Variants in CENPC observed in about 807,000 individuals in gnomAD.
CENPC encodes the protein CENP-C 1.
A neutral mutation model predicts 112.1 loss-of-function variants in CENPC; 63 were observed. The ratio of observed to expected loss-of-function variants is 0.56; its 90% CI spans 0.46 to 0.69. CENPC has a LOEUF of 0.69. Among genes scored for constraint, CENPC ranks in the 30% least tolerant of loss-of-function variants. CENPC has a pLI of 0.00. For missense variants in CENPC, 1,000 were observed against 1,103.8 expected, an observed-to-expected ratio of 0.91 and a Z score of 1.33; for synonymous variants, 333 against 367.6, an observed-to-expected ratio of 0.91 and a Z score of 1.08.
At chr4:67,502,343 T>A (rs557024831) in intron 12 of CENPC, among the ~76,000 whole-genome samples, 1 of 152,244 alleles carries the variant, frequency 6.6e-6, no homozygotes, top group Admixed American at 6.5e-5. Flanking sequence ...AACAATTCAA[T>A]CATATGCTGT....
intron 7 of CENPC, among the ~76,000 whole-genome samples, chr4:67,516,671 A>G (rs559703481): frequency 6.6e-6 from 1 of 152,186 alleles, no homozygotes; most frequent in South Asian, 2.1e-4. Flanking sequence ...CAATACAAAT[A>G]CTACAATGAA....
intron 5 of CENPC, among the ~76,000 whole-genome samples, chr4:67,520,335 G>A (rs1327164649): frequency 2.0e-5 from 3 of 152,174 alleles, no homozygotes; most frequent in Non-Finnish European, 2.9e-5. Flanking sequence ...TGACCCACAT[G>A]AAGCTGTAGA....
intron 7 of CENPC, 121 bp from the exon 8 acceptor site, chr4:67,514,808 A>AT: frequency 1.0e-6 from 1 of 971,646 alleles, no homozygotes; most frequent in Non-Finnish European, 1.5e-6. Flanking sequence ...TATCTCCTCA[A>AT]TTTTCCCTTA....
At chr4:67,517,745 G>A (rs1408041228) in intron 7 of CENPC, among the ~76,000 whole-genome samples, 1 of 151,996 alleles carries the variant, frequency 6.6e-6, no homozygotes, top group African/African-American at 2.4e-5. Flanking sequence ...GGCTGAGCAG[G>A]AGAATCTCTT....
rs1219276731 is a variant in CENPC at position 67,514,610 on chromosome 4, A to T, written c.908T>A (p.Phe303Tyr). 2 of 1,607,724 alleles carry T rather than the reference A, an allele frequency of 1.2e-6. No individual in the cohort carries two copies. The highest frequency in any genetic ancestry group is 1.7e-6 in the Non-Finnish European group (2 of 1,177,164). Residue 303 changes from phenylalanine (F) to tyrosine (Y), a missense_variant, in exon 8 of 19, where the codon TTT becomes TAT. By Grantham distance (22) the Phe-to-Tyr change is conservative. Coordinates refer to ENST00000273853, the MANE Select transcript of CENPC (RefSeq NM_001812.4). ...ACTTTGATCCGACTCATCAATTATA[A>T]ATTCATCCTCTATCAACTTCGTATC... ...PDDTKLIEDE[F>Y]IIDESDQSFA...
chr4:67,475,469 G>A (rs190008938), intron 17 of CENPC, among the ~76,000 whole-genome samples: 3 of 152,310 alleles, frequency 2.0e-5, no homozygotes, highest in Non-Finnish European at 2.9e-5. Context: ...AAGCAGATTC[G>A]TCCTTACAGC....
chr4:67,544,083 C>T (rs2109839952), intron 2 of CENPC, 66 bp downstream of exon 2: 1 of 832,176 alleles, frequency 1.2e-6, no homozygotes, highest in Non-Finnish European at 2.0e-6. Context: ...TTTTTCCTTT[C>T]TTCATTTAAA....
At chr4:67,528,599 T>C (rs1010637408) in intron 5 of CENPC, among the ~76,000 whole-genome samples, 1 of 152,200 alleles carries the variant, frequency 6.6e-6, no homozygotes, top group African/African-American at 2.4e-5. Context: ...TTATTTCAGT[T>C]TGCATGTTTT....
At chr4:67,507,278 C>T (rs569528983) in intron 10 of CENPC, among the ~76,000 whole-genome samples, 57 of 152,244 alleles carry the variant, frequency 3.7e-4, no homozygotes, top group Non-Finnish European at 6.9e-4. Context: ...CTAAAATTGG[C>T]TTCTTTGATA....
chr4:67,511,323 A>T (rs1725886465), intron 9 of CENPC, among the ~76,000 whole-genome samples: 1 of 152,202 alleles, frequency 6.6e-6, no homozygotes, highest in Admixed American at 6.5e-5. Context: ...ATACAATGCC[A>T]TAGTTGTACT....
At chr4:67,495,806 G>A (rs1725416806) in intron 12 of CENPC, among the ~76,000 whole-genome samples, 2 of 152,182 alleles carry the variant, frequency 1.3e-5, no homozygotes, top group Non-Finnish European at 2.9e-5. Context: ...AATAGTGTAA[G>A]TGTACTGAAT....
At chr4:67,482,882 C>T (rs1724991629) in intron 17 of CENPC, among the ~76,000 whole-genome samples, 2 of 152,150 alleles carry the variant, frequency 1.3e-5, no homozygotes, top group South Asian at 4.2e-4. Context: ...GCTTTGTCTC[C>T]CCACCCAAAT....
chr4:67,505,143 C>G, intron 12 of CENPC, 62 bp downstream of exon 12: 1 of 1,146,184 alleles, frequency 8.7e-7, no homozygotes, highest in Non-Finnish European at 1.3e-6. Flanking sequence ...CAAAACATAG[C>G]ACTCCTTACT....
intron 5 of CENPC, among the ~76,000 whole-genome samples, chr4:67,530,057 T>C (rs1726499693): frequency 6.6e-6 from 1 of 152,166 alleles, no homozygotes; most frequent in Non-Finnish European, 1.5e-5. Flanking sequence ...TATGTCATGT[T>C]ACATACCGAA....
At chr4:67,505,913 G>T (rs1293558150) in intron 11 of CENPC, among the ~76,000 whole-genome samples, 9 of 151,804 alleles carry the variant, frequency 5.9e-5, no homozygotes, top group Admixed American at 1.3e-4. Flanking sequence ...TATAAAAAAA[G>T]AAAGAAATCA....
In CENPC at chr4:67,472,647, C is replaced by T. The variant is rs753166204; in HGVS notation, c.2790G>A (p.Arg930=). Residue 930 remains arginine (R), a synonymous_variant, in exon 19 of 19, where the codon CGG becomes CGA. Transcript: ENST00000273853. The part of the protein sequence containing the change: ...SGNYYNIKNL[R]NEESVLLFTQ... ...TAAAAAGAAGAACACTTTCCTCATT[C>T]CGGAGATTTTTGATGTTATAATAGT... 7.9e-6 allele frequency: 12 copies of T among 1,512,852 alleles called. No homozygotes were observed. The highest frequency in any genetic ancestry group is 1.3e-5 in the South Asian group (1 of 75,572). 93.7% of individuals were successfully genotyped at this position (1,512,852 alleles called of 1,614,324 possible). A position where few individuals can be genotyped will look rare whatever the true frequency, so the allele number is the denominator to read the frequency against.
At position 67,492,212 on chromosome 4, in the gene CENPC, T is replaced by C. The variant is rs1262155038; in HGVS notation, c.2483A>G (p.Lys828Arg). Reference sequence around the variant, plus strand: ...AATAATCTCTCTTGTTTCTGGGTCCTTTACCCTCGTTGGCTGCAAAGGATC... The same window carrying C: ...AATAATCTCTCTTGTTTCTGGGTCCCTTACCCTCGTTGGCTGCAAAGGATC... Reference protein sequence around the residue: ...LGDPLQPTRVKDPETREIILM... With the variant: ...LGDPLQPTRVRDPETREIILM... The change falls in exon 16 of 19, where the codon AAG becomes AGG. Residue 828 changes from lysine to arginine, a missense_variant. Physicochemically the swap from Lys to Arg is conservative, Grantham distance 26. Transcript: ENST00000273853. The C allele has an allele frequency of 1.9e-6, 3 of 1,567,920 alleles. No individual in the cohort carries two copies. Among genetic ancestry groups the C allele is most frequent in the Admixed American group, 1.9e-5 (1 of 53,452 alleles).
intron 2 of CENPC, among the ~76,000 whole-genome samples, chr4:67,541,966 C>T (rs1726901253): frequency 6.6e-6 from 1 of 152,094 alleles, no homozygotes; most frequent in East Asian, 1.9e-4. Context: ...CTTGCCTTGG[C>T]TTTTTTCACT....
At chr4:67,509,865 T>G (rs1329123349) in intron 9 of CENPC, among the ~76,000 whole-genome samples, 1 of 152,184 alleles carries the variant, frequency 6.6e-6, no homozygotes, top group Non-Finnish European at 1.5e-5. Context: ...TCATTACAAC[T>G]CTGCTTAATT....
Sources: gnomAD v4.1 joint callset for allele counts (sites outside exome capture counted in the v4.1 genomes callset) on GRCh38, gnomAD v4.1.1 for gene constraint, MANE v1.5 for transcripts, NCBI Gene and HGNC (gene_info 2026-07-23, HGNC 2026-07-21) for gene names.